RPRD1B: variants seen among roughly 807,000 people sequenced by gnomAD.
RPRD1B encodes the protein regulation of nuclear pre-mRNA domain containing 1B.
RPRD1B carries 11 observed loss-of-function variants against 41.5 expected under a neutral mutation model. That is an observed-to-expected ratio of 0.27 (90% CI 0.17 to 0.44). The LOEUF (loss-of-function observed/expected upper bound fraction) is 0.44. Among genes scored for constraint, RPRD1B ranks in the 20% least tolerant of loss-of-function variants. The pLI is 1.00. For synonymous variants in RPRD1B, 158 were observed against 155.6 expected, an observed-to-expected ratio of 1.02 and a Z score of -0.12; for missense variants, 248 against 389.9, an observed-to-expected ratio of 0.64 and a Z score of 3.06.
At chr20:38,082,257 A>C (rs2122765914) in intron 6 of RPRD1B, among the ~76,000 whole-genome samples, 1 of 152,280 alleles carries the variant, frequency 6.6e-6, no homozygotes, top group East Asian at 1.9e-4. Context: ...AGGTCTGTCC[A>C]GGGTTTCAAT....
At chr20:38,059,767 T>C (rs2074278750) in intron 5 of RPRD1B, among the ~76,000 whole-genome samples, 1 of 152,202 alleles carries the variant, frequency 6.6e-6, no homozygotes, top group Non-Finnish European at 1.5e-5. Context: ...TGTGGCTCTC[T>C]AAATAAGGTC....
chr20:38,057,601 C>G lies in RPRD1B; in HGVS notation c.485C>G (p.Pro162Arg). 6.2e-7 allele frequency: 1 copy of G among 1,614,138 alleles called. No individual in the cohort carries two copies. Among genetic ancestry groups the G allele is most frequent in the Non-Finnish European group, 8.5e-7 (1 of 1,179,968 alleles). ...QIQEEEDDDY[P>R]GSYSPQDPSA... The stretch of plus-strand genomic sequence containing the variant: ...CAGGAGGAGGAGGATGACGACTACC[C>G]TGGCAGCTACTCTCCTCAGGATCCT... Residue 162 changes from proline (P) to arginine (R), a missense_variant, in exon 4 of 7, where the codon CCT (proline) becomes CGT (arginine). Pro to Arg is a moderately radical substitution (Grantham distance 103). Around this residue, in one of 5 missense-constraint regions of RPRD1B, gnomAD observed 94 missense variants for 82.3 expected, o/e 1.14. Transcript: ENST00000373433.
chr20:38,035,313 C>G (rs994072525), intron 1 of RPRD1B, among the ~76,000 whole-genome samples: 1 of 152,170 alleles, frequency 6.6e-6, no homozygotes, highest in Non-Finnish European at 1.5e-5. Context: ...GCTCCAGACA[C>G]CCTATATGTG....
chr20:38,036,015 C>T (rs771107268), intron 1 of RPRD1B, among the ~76,000 whole-genome samples: 6 of 152,064 alleles, frequency 3.9e-5, no homozygotes, highest in East Asian at 3.9e-4. Flanking sequence ...GCCCCCGCCT[C>T]GGCCTCCCAA....
intron 1 of RPRD1B, among the ~76,000 whole-genome samples, chr20:38,034,464 C>T (rs1322058657): frequency 6.6e-6 from 1 of 152,180 alleles, no homozygotes; most frequent in Non-Finnish European, 1.5e-5. Flanking sequence ...CAGTGGGCTC[C>T]GGAGTCAGAC....
chr20:38,069,092 A>G (rs930843042), intron 6 of RPRD1B, among the ~76,000 whole-genome samples: 1 of 152,146 alleles, frequency 6.6e-6, no homozygotes, highest in African/African-American at 2.4e-5. Flanking sequence ...AAGCTCTAAT[A>G]TACTTAGGTT....
intron 4 of RPRD1B, 87 bp from the exon 5 acceptor site, chr20:38,059,307 A>G (rs2074273425): frequency 7.3e-7 from 1 of 1,362,578 alleles, no homozygotes; most frequent in Non-Finnish European, 9.9e-7. Flanking sequence ...TGTTTTTAGA[A>G]TTTGCCTCCA....
chr20:38,091,972 T>A lies in RPRD1B; in HGVS notation c.*2097T>A. 1 of 985,900 alleles carries A rather than the reference T, an allele frequency of 1.0e-6. No individual in the cohort carries two copies. The highest frequency in any genetic ancestry group is 1.2e-6 in the Non-Finnish European group (1 of 829,930). The allele number at this position is 985,900 out of a possible 1,614,324, so 61.1% of individuals were successfully genotyped here. A position where few individuals can be genotyped will look rare whatever the true frequency, so the allele number is the denominator to read the frequency against. On this transcript the variant is annotated 3_prime_UTR_variant, in exon 7 of 7. Transcript: ENST00000373433. Reference sequence around the variant, plus strand: ...CCTGTGAGGAAGTTAGTTTTTTGTTTTGATGAAATGCTTTCGTTTTTTAAA... The same window carrying A: ...CCTGTGAGGAAGTTAGTTTTTTGTTATGATGAAATGCTTTCGTTTTTTAAA...
At chr20:38,064,471 A>G (rs988912644) in intron 5 of RPRD1B, among the ~76,000 whole-genome samples, 10 of 152,200 alleles carry the variant, frequency 6.6e-5, no homozygotes, top group Non-Finnish European at 1.3e-4. Flanking sequence ...GTACTGCCGG[A>G]GTCTCTGGTG....
At chr20:38,052,970 G>C (rs771073273) in intron 3 of RPRD1B, among the ~76,000 whole-genome samples, 1 of 151,934 alleles carries the variant, frequency 6.6e-6, no homozygotes, top group South Asian at 2.1e-4. Context: ...CTTAGGTAAC[G>C]AGGATTACTT....
chr20:38,092,207 T>G lies in RPRD1B; in HGVS notation c.*2332T>G, dbSNP rs1568667524. On this transcript the variant is annotated 3_prime_UTR_variant, in exon 7 of 7. Coordinates refer to ENST00000373433, the MANE Select transcript of RPRD1B (RefSeq NM_021215.4). ...CAGAAAGTCTTCAATCTTCCCTTGT[T>G]TTTGTTTGTTTGTTTTTCTTAAAGA... 1 of 985,514 alleles carries G rather than the reference T, an allele frequency of 1.0e-6. No individual in the cohort carries two copies. Among genetic ancestry groups the G allele is most frequent in the African/African-American group, 1.7e-5 (1 of 57,196 alleles). The allele number at this position is 985,514 out of a possible 1,614,324, so 61.0% of individuals were successfully genotyped here.
At chr20:38,067,759 C>T (rs892062771) in intron 6 of RPRD1B, among the ~76,000 whole-genome samples, 7 of 152,196 alleles carry the variant, frequency 4.6e-5, no homozygotes, top group Admixed American at 2.0e-4. Context: ...CAGTACCAGA[C>T]GGTCATTTAT....
intron 3 of RPRD1B, among the ~76,000 whole-genome samples, chr20:38,055,756 G>A (rs890541240): frequency 6.6e-6 from 1 of 152,180 alleles, no homozygotes; most frequent in Non-Finnish European, 1.5e-5. Context: ...ATCACTGGGC[G>A]ATAAGGAGAC....
At chr20:38,046,147 G>A (rs1022448554) in intron 2 of RPRD1B, among the ~76,000 whole-genome samples, 1 of 152,136 alleles carries the variant, frequency 6.6e-6, no homozygotes, top group East Asian at 1.9e-4. Context: ...AAATACATAC[G>A]GGTGGGTGTT....
intron 6 of RPRD1B, among the ~76,000 whole-genome samples, chr20:38,068,225 C>T (rs1250757008): frequency 6.6e-6 from 1 of 152,190 alleles, no homozygotes; most frequent in African/African-American, 2.4e-5. Context: ...GGCTGGCATT[C>T]CATTGCTGAA....
chr20:38,036,630 G>A (rs1193333722), intron 1 of RPRD1B, among the ~76,000 whole-genome samples: 3 of 152,130 alleles, frequency 2.0e-5, no homozygotes, highest in Non-Finnish European at 2.9e-5. Flanking sequence ...TAGAATTTTC[G>A]TGGTTGAGTA....
At chr20:38,043,955 G>C (rs921551476) in intron 2 of RPRD1B, among the ~76,000 whole-genome samples, 1 of 152,134 alleles carries the variant, frequency 6.6e-6, no homozygotes, top group East Asian at 1.9e-4. Flanking sequence ...GTAGAGACTT[G>C]ATTTCTGGAG....
chr20:38,078,408 A>G (rs1041843640), intron 6 of RPRD1B, among the ~76,000 whole-genome samples: 2 of 152,088 alleles, frequency 1.3e-5, no homozygotes, highest in Non-Finnish European at 2.9e-5. Flanking sequence ...TGTGTTCACC[A>G]TTTGTATCTC....
At chr20:38,077,435 T>C (rs1213259164) in intron 6 of RPRD1B, among the ~76,000 whole-genome samples, 2 of 152,128 alleles carry the variant, frequency 1.3e-5, no homozygotes, top group African/African-American at 4.8e-5. Flanking sequence ...AGAGTGGCAG[T>C]GCCATCCATC....
Sources: allele counts gnomAD v4.1 joint callset (sites outside exome capture counted in the v4.1 genomes callset), GRCh38; gene constraint gnomAD v4.1.1; regional missense constraint gnomAD v4.1.1; transcripts MANE v1.5; gene names NCBI Gene and HGNC (gene_info 2026-07-23, HGNC 2026-07-21).